Variants in RFWD3 observed in about 807,000 individuals in gnomAD.
RFWD3 encodes the protein E3 ubiquitin-protein ligase RFWD3.
A neutral mutation model predicts 87.7 loss-of-function variants in RFWD3; 65 were observed. That is an observed-to-expected ratio of 0.74 (90% confidence interval 0.61 to 0.91). The LOEUF (loss-of-function observed/expected upper bound fraction) is 0.91, where lower values mean the gene tolerates loss of function less well. RFWD3 is among the 40% of genes least tolerant of loss of function. The pLI, the probability that RFWD3 is intolerant of heterozygous loss-of-function variation, is 0.00. For synonymous variants in RFWD3, 433 were observed against 352.8 expected (o/e 1.23, Z -2.55); for missense variants, 1,078 against 938.5 (o/e 1.15, Z -1.94).
chr16:74,657,834 T>G (rs561614663), intron 2 of RFWD3, among the ~76,000 whole-genome samples: 9 of 152,152 alleles, frequency 5.9e-5, no homozygotes, highest in South Asian at 4.1e-4. Flanking sequence ...AGATTCTAAG[T>G]GAACAGCAGC....
chr16:74,637,852 G>A lies in RFWD3; in HGVS notation c.1194+4C>T, dbSNP rs372058733. On this transcript the variant is annotated splice_donor_region_variant and intron_variant, in intron 7 of 12. Transcript: ENST00000361070. ...GTTCTTTGGATTAGAAAGGACAAAC[G>A]TACCTGAACACGCCTTTGAAGCCTA... 2.6e-5 allele frequency: 42 copies of A among 1,605,282 alleles called. No individual in the cohort carries two copies. Among genetic ancestry groups the A allele is most frequent in the East Asian group, 1.6e-4 (7 of 44,760 alleles).
intron 8 of RFWD3, 78 bp from the exon 9 acceptor site, chr16:74,632,751 C>A: frequency 7.7e-7 from 1 of 1,297,366 alleles, no homozygotes; most frequent in East Asian, 2.5e-5. Context: ...TCAAGTAGCT[C>A]CTTCGTCCAC....
At chr16:74,624,236 G>A (rs1958852600) in intron 12 of RFWD3, among the ~76,000 whole-genome samples, 165 bp from the exon 13 acceptor site, 1 of 152,184 alleles carries the variant, frequency 6.6e-6, no homozygotes, top group Non-Finnish European at 1.5e-5. Flanking sequence ...CAGCACACCT[G>A]ACATAGTTCA....
At chr16:74,650,147 TC>T (rs1387680813) in intron 3 of RFWD3, among the ~76,000 whole-genome samples, 1 of 152,212 alleles carries the variant, frequency 6.6e-6, no homozygotes, top group African/African-American at 2.4e-5. Flanking sequence ...TTAAAAATTG[TC>T]CCCACTGATT....
intron 1 of RFWD3, among the ~76,000 whole-genome samples, chr16:74,665,619 C>G (rs1003060252): frequency 6.6e-6 from 1 of 151,752 alleles, no homozygotes; most frequent in African/African-American, 2.4e-5. Context: ...ATGAGCCGGG[C>G]GTGGTGGCGC....
At chr16:74,664,582 A>G (rs1177565661) in intron 1 of RFWD3, 1 of 152,210 alleles carries the variant, frequency 6.6e-6, no homozygotes, top group Non-Finnish European at 1.5e-5. Flanking sequence ...CCCCGTCTCT[A>G]CAAAAAATAC....
Position 74,666,853 on chromosome 16 carries a change from T to TCGGTAGTTACCTCCGCCGAAGA in RFWD3, c.-71_-70insTCTTCGGCGGAGGTAACTACCG, listed in dbSNP as rs1241536586. ...GACTCGGTAGTTACCTCGGCCGCAC[T>TCGGTAGTTACCTCCGCCGAAGA]CCGAATGCACCTACGCCAACTGCCA... On this transcript the variant is annotated 5_prime_UTR_variant, in exon 1 of 13. Coordinates refer to ENST00000361070, the MANE Select transcript of RFWD3 (RefSeq NM_018124.4). 2 of 38,614 alleles carry TCGGTAGTTACCTCCGCCGAAGA rather than the reference T, an allele frequency of 5.2e-5. No individual in the cohort carries two copies. The highest frequency in any genetic ancestry group is 1.9e-4 in the African/African-American group (1 of 5,298). The allele number at this position is 38,614 out of a possible 1,614,324, so 2.4% of individuals were successfully genotyped here. A position where few individuals can be genotyped will look rare whatever the true frequency, so the allele number is the denominator to read the frequency against.
Position 74,636,342 on chromosome 16 carries a change from T to G in RFWD3, c.1426+4A>C. 1 of 1,612,948 alleles carries G rather than the reference T, an allele frequency of 6.2e-7. No homozygotes were observed. The highest frequency in any genetic ancestry group is 2.2e-5 in the East Asian group (1 of 44,884). On this transcript the variant is annotated splice_donor_region_variant and intron_variant, in intron 8 of 12. Coordinates refer to ENST00000361070, the MANE Select transcript of RFWD3 (RefSeq NM_018124.4). Reference sequence around the variant, plus strand: ...CATGAAAGCTGAGGTTCTAGACTCTTTACCTGGAAGAAAAGAGGCCTGAGG... The same window carrying G: ...CATGAAAGCTGAGGTTCTAGACTCTGTACCTGGAAGAAAAGAGGCCTGAGG...
At chr16:74,654,105 C>A in intron 2 of RFWD3, among the ~76,000 whole-genome samples, 1 of 152,008 alleles carries the variant, frequency 6.6e-6, no homozygotes, top group East Asian at 1.9e-4. Context: ...TTTTGTCACA[C>A]CTAAAAGGGA....
At chr16:74,635,797 T>A (rs1213621960) in intron 8 of RFWD3, among the ~76,000 whole-genome samples, 1 of 152,212 alleles carries the variant, frequency 6.6e-6, no homozygotes, top group Non-Finnish European at 1.5e-5. Flanking sequence ...GATTTAGAAA[T>A]GATTTAATTG....
At chr16:74,624,448 T>C (rs1369428765) in intron 12 of RFWD3, among the ~76,000 whole-genome samples, 3 of 152,204 alleles carry the variant, frequency 2.0e-5, no homozygotes, top group Non-Finnish European at 4.4e-5. Context: ...CAGGCTGCAG[T>C]GCAGTGGCAC....
rs760782276 is a variant in RFWD3 at position 74,648,248 on chromosome 16, T to C, written c.792+884A>G. ...ATCTAAGAGACAGCAGTCACACAAA[T>C]AATGAGTAACTGGGATAGGATCCAC... On this transcript the variant is annotated intron_variant, in intron 4 of 12. Coordinates refer to ENST00000361070, the MANE Select transcript of RFWD3 (RefSeq NM_018124.4). Among the ~76,000 whole-genome samples, 17 of 151,960 alleles carry C rather than the reference T, an allele frequency of 1.1e-4. No homozygotes were observed. In the East Asian group the frequency reaches 3.2e-3, roughly 28 times the overall value.
At chr16:74,660,370 T>G (rs1222531836) in intron 2 of RFWD3, among the ~76,000 whole-genome samples, 2 of 152,174 alleles carry the variant, frequency 1.3e-5, no homozygotes, top group Non-Finnish European at 2.9e-5. Context: ...GGAGAATCGC[T>G]TGAATCTGGG....
rs56890104 is a variant in RFWD3 at position 74,666,845 on chromosome 16, G to GCCGAAGACTCGGTACTTACCTCC, written c.-63_-62insGGAGGTAAGTACCGAGTCTTCGG. ...CCGCCGAAGACTCGGTAGTTACCTC[G>GCCGAAGACTCGGTACTTACCTCC]GCCGCACTCCGAATGCACCTACGCC... On this transcript the variant is annotated 5_prime_UTR_variant, in exon 1 of 13. Transcript: ENST00000361070. The GCCGAAGACTCGGTACTTACCTCC allele has an allele frequency of 2.3e-4, 34 of 150,974 alleles. No homozygotes were observed. Among genetic ancestry groups the GCCGAAGACTCGGTACTTACCTCC allele is most frequent in the African/African-American group, 7.3e-4 (30 of 41,172 alleles). 9.4% of individuals were successfully genotyped at this position (150,974 alleles called of 1,614,324 possible).
At chr16:74,665,218 G>A (rs890831049) in intron 1 of RFWD3, 1 of 152,206 alleles carries the variant, frequency 6.6e-6, no homozygotes. Context: ...ATGCCCAGGC[G>A]GATGGATCAC....
At chr16:74,649,591 TTC>T (rs1960419017) in intron 3 of RFWD3, among the ~76,000 whole-genome samples, 1 of 152,164 alleles carries the variant, frequency 6.6e-6, no homozygotes, top group Non-Finnish European at 1.5e-5. Flanking sequence ...CTGATAAGAA[TTC>T]TTTTTTTATA....
intron 7 of RFWD3, among the ~76,000 whole-genome samples, chr16:74,637,533 T>C (rs186719953): frequency 6.6e-6 from 1 of 152,068 alleles, no homozygotes; most frequent in South Asian, 2.1e-4. Flanking sequence ...ATGCTGAGGC[T>C]GAGGCAGGAG....
In RFWD3 at chr16:74,665,746, TTC is replaced by T. The variant is rs377204072; in HGVS notation, c.-3+1038_-3+1039del. Among the ~76,000 whole-genome samples the T allele has an allele frequency of 8.7e-4, 119 of 136,016 alleles. 1 individual carries two copies. Among genetic ancestry groups the T allele is most frequent in the African/African-American group, 3.2e-3 (117 of 36,510 alleles). The allele number at this position is 136,016 out of a possible 152,430, so 89.2% of individuals were successfully genotyped here. On this transcript the variant is annotated intron_variant, in intron 1 of 12. Transcript: ENST00000361070. ...GTGCAACAGGGAGACTTTTCTTTCT[TTC>T]TTTCTTTCTTTTTTTGAGATGGAGT...
At chr16:74,635,798 G>C (rs905062569) in intron 8 of RFWD3, among the ~76,000 whole-genome samples, 1 of 152,184 alleles carries the variant, frequency 6.6e-6, no homozygotes. Flanking sequence ...ATTTAGAAAT[G>C]ATTTAATTGA....
Sources: allele counts gnomAD v4.1 joint callset (sites outside exome capture counted in the v4.1 genomes callset), GRCh38; gene constraint gnomAD v4.1.1; transcripts MANE v1.5; gene names NCBI Gene and HGNC (gene_info 2026-07-23, HGNC 2026-07-21).